TMEM132D: variants seen among roughly 807,000 people sequenced by gnomAD.
TMEM132D encodes transmembrane protein 132D, also known as mature OL transmembrane protein.
In TMEM132D, 21 loss-of-function variants were observed where a neutral mutation model predicts 62.3. The ratio of observed to expected loss-of-function variants is 0.34; its 90% CI spans 0.24 to 0.49. The LOEUF is 0.49. Among genes scored for constraint, TMEM132D ranks in the 20% least tolerant of loss-of-function variants. The pLI, the probability that TMEM132D is intolerant of heterozygous loss-of-function variation, is 0.99. For missense variants in TMEM132D, 1,346 were observed against 1,402.8 expected, an observed-to-expected ratio of 0.96 and a Z score of 0.65; for synonymous variants, 621 against 575.6, an observed-to-expected ratio of 1.08 and a Z score of -1.13.
intron 2 of TMEM132D, among the ~76,000 whole-genome samples, chr12:129,600,226 A>T (rs1429178548): frequency 6.6e-6 from 1 of 152,134 alleles, no homozygotes; most frequent in Non-Finnish European, 1.5e-5. Flanking sequence ...TCGAGAAACC[A>T]CTTTCTTTGT....
At chr12:129,398,911 T>A (rs754008015) in intron 3 of TMEM132D, among the ~76,000 whole-genome samples, 3 of 152,130 alleles carry the variant, frequency 2.0e-5, no homozygotes, top group Non-Finnish European at 4.4e-5. Context: ...TGTGCTGCTA[T>A]AAGAGAATAC....
intron 1 of TMEM132D, among the ~76,000 whole-genome samples, chr12:129,757,338 A>G (rs1020527566): frequency 1.3e-5 from 2 of 152,010 alleles, no homozygotes; most frequent in African/African-American, 4.8e-5. Flanking sequence ...TCCCCTCCTT[A>G]ATCTCATGTA....
chr12:129,654,687 C>G (rs1880025424), intron 2 of TMEM132D, among the ~76,000 whole-genome samples: 1 of 152,100 alleles, frequency 6.6e-6, no homozygotes, highest in Admixed American at 6.6e-5. Context: ...CCTCGGCTTG[C>G]TGAAAGTACA....
intron 1 of TMEM132D, among the ~76,000 whole-genome samples, chr12:129,706,029 G>A (rs1881498746): frequency 6.6e-6 from 1 of 151,958 alleles, no homozygotes; most frequent in Non-Finnish European, 1.5e-5. Context: ...ATAGATTAGT[G>A]GGAAGAACTG....
intron 2 of TMEM132D, among the ~76,000 whole-genome samples, chr12:129,695,444 C>T (rs556478748): frequency 6.6e-5 from 10 of 152,216 alleles, no homozygotes; most frequent in South Asian, 2.1e-4. Flanking sequence ...AAAGCCTGTC[C>T]GCCTCTCACT....
At chr12:129,077,462 C>T (rs1463741555) in intron 8 of TMEM132D, among the ~76,000 whole-genome samples, 2 of 152,034 alleles carry the variant, frequency 1.3e-5, no homozygotes, top group Non-Finnish European at 2.9e-5. Context: ...TTATCCACCT[C>T]TAATGAGGGA....
intron 5 of TMEM132D, among the ~76,000 whole-genome samples, chr12:129,097,793 A>G (rs1875164055): frequency 6.6e-6 from 1 of 152,238 alleles, no homozygotes; most frequent in Non-Finnish European, 1.5e-5. Flanking sequence ...CTTATTAATC[A>G]CGTTTAACTC....
At chr12:129,694,385 C>A (rs977842039) in intron 2 of TMEM132D, among the ~76,000 whole-genome samples, 1 of 152,146 alleles carries the variant, frequency 6.6e-6, no homozygotes, top group African/African-American at 2.4e-5. Context: ...GCCACCAAAA[C>A]CAAAGAAAGT....
intron 4 of TMEM132D, among the ~76,000 whole-genome samples, chr12:129,324,654 C>T (rs1038352553): frequency 5.9e-5 from 9 of 151,922 alleles, no homozygotes; most frequent in African/African-American, 1.7e-4. Flanking sequence ...GATGGTGAAA[C>T]CCCATCCCTA....
intron 5 of TMEM132D, among the ~76,000 whole-genome samples, chr12:129,109,467 T>G (rs751435411): frequency 7.2e-5 from 11 of 152,204 alleles, no homozygotes; most frequent in Non-Finnish European, 1.3e-4. Context: ...ATCCAATTCA[T>G]GCAGTCACCC....
At position 129,801,992 on chromosome 12, in the gene TMEM132D, A is replaced by G. The variant is rs1476326982; in HGVS notation, c.79+101269T>C. Among the ~76,000 whole-genome samples, 562 of 150,724 alleles carry G rather than the reference A, an allele frequency of 3.7e-3. 6 individuals carry two copies. The highest frequency in any genetic ancestry group is 0.013 in the African/African-American group (541 of 40,820). The stretch of plus-strand genomic sequence containing the variant: ...GCGAGAAGGGAAGTTTAGAGAAAAA[A>G]GAATAACAAGAAATGAGCAAAGCCT... On this transcript the variant is annotated intron_variant, in intron 1 of 8. Transcript: ENST00000422113.
At chr12:129,777,293 G>A (rs1360412555) in intron 1 of TMEM132D, among the ~76,000 whole-genome samples, 2 of 152,202 alleles carry the variant, frequency 1.3e-5, no homozygotes, top group East Asian at 1.9e-4. Flanking sequence ...AGCCCTACTC[G>A]TTGTCAAGAA....
intron 4 of TMEM132D, among the ~76,000 whole-genome samples, chr12:129,253,023 C>G (rs1054484469): frequency 4.1e-5 from 5 of 123,246 alleles, no homozygotes; most frequent in Non-Finnish European, 6.3e-5. Context: ...AGGGGAACAT[C>G]ACACACTGGG....
intron 1 of TMEM132D, among the ~76,000 whole-genome samples, chr12:129,850,493 T>C (rs532293784): frequency 1.2e-4 from 19 of 152,278 alleles, no homozygotes; most frequent in Middle Eastern, 3.4e-3. Context: ...ACATCAAGAT[T>C]CCTCTAAGTA....
intron 3 of TMEM132D, among the ~76,000 whole-genome samples, chr12:129,503,291 C>CA (rs1181752107): frequency 6.6e-6 from 1 of 151,984 alleles, no homozygotes; most frequent in Non-Finnish European, 1.5e-5. Flanking sequence ...AAAGAGTCCA[C>CA]AAAACTATAT....
intron 1 of TMEM132D, among the ~76,000 whole-genome samples, chr12:129,828,780 A>AAAGGAGGGAGGGAGGGAGGGAGGAAGGG (rs1566000235): frequency 3.2e-5 from 1 of 31,456 alleles, no homozygotes; most frequent in Non-Finnish European, 6.9e-5. Context: ...GGGAGGAAGA[A>AAAGGAGGGAGGGAGGGAGGGAGGAAGGG]AAGGAGGGAG....
At chr12:129,577,371 G>A (rs1052423478) in intron 2 of TMEM132D, among the ~76,000 whole-genome samples, 6 of 149,796 alleles carry the variant, frequency 4.0e-5, no homozygotes, top group Admixed American at 4.0e-4. Flanking sequence ...TCTTGGTTCT[G>A]TTTTTCTAGA....
chr12:129,792,807 G>C (rs902112913), intron 1 of TMEM132D, among the ~76,000 whole-genome samples: 2 of 152,162 alleles, frequency 1.3e-5, no homozygotes, highest in Non-Finnish European at 2.9e-5. Flanking sequence ...GAGCTGGGGA[G>C]AGCTTACATT....
At chr12:129,549,419 T>C (rs1255258722) in intron 2 of TMEM132D, among the ~76,000 whole-genome samples, 3 of 147,042 alleles carry the variant, frequency 2.0e-5, no homozygotes, top group Admixed American at 6.8e-5. Flanking sequence ...CATGGGGTGG[T>C]TTCCCCCCTC....
Sources: allele counts gnomAD v4.1 joint callset (sites outside exome capture counted in the v4.1 genomes callset), GRCh38; gene constraint gnomAD v4.1.1; transcripts MANE v1.5; gene names NCBI Gene and HGNC (gene_info 2026-07-23, HGNC 2026-07-21).